SDF2: variants seen among roughly 807,000 people sequenced by gnomAD.
The protein encoded by SDF2 is stromal cell derived factor 2.
Under a neutral mutation model 20.5 loss-of-function variants are expected in SDF2, and 12 were observed. The ratio of observed to expected loss-of-function variants is 0.58; its 90% CI spans 0.37 to 0.95. The LOEUF (loss-of-function observed/expected upper bound fraction) is 0.95, where lower values mean the gene tolerates loss of function less well. Among genes scored for constraint, SDF2 ranks in the 40% least tolerant of loss-of-function variants. The pLI, the probability that SDF2 is intolerant of heterozygous loss-of-function variation, is 0.01. For missense variants in SDF2, 238 were observed against 263.1 expected (o/e 0.90, Z 0.66); for synonymous variants, 100 against 101.0 (o/e 0.99, Z 0.06).
In SDF2 at chr17:28,661,796, G is replaced by A; in HGVS notation, c.81C>T (p.Gly27=). ...GASSLGVVTC[G]SVVKLLNTRH... is the part of the protein sequence containing the mutation. ...GCGTATTGAGTAGCTTCACCACGGA[G>A]CCGCAAGTAACGACACCCAGGCTGG... The change falls in exon 1 of 3, where the codon GGC becomes GGT. Residue 27 remains glycine, a synonymous_variant. Transcript: ENST00000247020. The A allele has an allele frequency of 6.2e-7, 1 of 1,614,108 alleles. No homozygotes were observed. The highest frequency in any genetic ancestry group is 8.5e-7 in the Non-Finnish European group (1 of 1,180,014).
intron 1 of SDF2, among the ~76,000 whole-genome samples, chr17:28,657,504 C>T (rs2071974751): frequency 1.3e-5 from 2 of 151,852 alleles, no homozygotes; most frequent in South Asian, 4.2e-4. Flanking sequence ...CTCGGGTGAT[C>T]CTCCTACCTC....
chr17:28,652,864 T>C (rs2071926772), intron 2 of SDF2, among the ~76,000 whole-genome samples: 1 of 152,168 alleles, frequency 6.6e-6, no homozygotes, highest in Admixed American at 6.5e-5. Flanking sequence ...ATACTGCCAA[T>C]GGACACAAAG....
intron 2 of SDF2, among the ~76,000 whole-genome samples, chr17:28,651,926 C>G (rs2071917560): frequency 6.6e-6 from 1 of 152,156 alleles, no homozygotes; most frequent in Admixed American, 6.6e-5. Flanking sequence ...AACAAGGTAT[C>G]TTACTGTTGG....
At chr17:28,659,762 C>T (rs536871579) in intron 1 of SDF2, among the ~76,000 whole-genome samples, 7 of 148,814 alleles carry the variant, frequency 4.7e-5, no homozygotes, top group South Asian at 4.3e-4. Flanking sequence ...CCAGACGGGG[C>T]GGCCAGGCAG....
intron 1 of SDF2, among the ~76,000 whole-genome samples, chr17:28,658,683 ATCTC>A (rs924939772): frequency 4.6e-5 from 7 of 151,816 alleles, no homozygotes; most frequent in African/African-American, 9.7e-5. Context: ...TAACAATCTG[ATCTC>A]TCTTTCTTTT....
intron 2 of SDF2, among the ~76,000 whole-genome samples, chr17:28,653,609 C>G (rs149799596): frequency 6.6e-6 from 1 of 152,118 alleles, no homozygotes; most frequent in Non-Finnish European, 1.5e-5. Flanking sequence ...GTCAGGAGCT[C>G]GAGACCAACC....
rs1339365838 is a variant in SDF2, at chr17:28,648,881, A to G, written c.*108T>C. 2.7e-6 allele frequency: 3 copies of G among 1,105,704 alleles called. No homozygotes were observed. Among genetic ancestry groups the G allele is most frequent in the African/African-American group, 1.5e-5 (1 of 64,728 alleles). 68.5% of individuals were successfully genotyped at this position (1,105,704 alleles called of 1,614,324 possible). ...TTTTCTGTTGTATATCTTCATCTCAATGGTGACATGGCCACTGCCCAAGGA... is the reference window on the plus strand; with the variant it reads ...TTTTCTGTTGTATATCTTCATCTCAGTGGTGACATGGCCACTGCCCAAGGA... On this transcript the variant is annotated 3_prime_UTR_variant, in exon 3 of 3. Transcript: ENST00000247020.
chr17:28,654,343 G>GT (rs2071937859), intron 2 of SDF2, among the ~76,000 whole-genome samples: 2 of 150,428 alleles, frequency 1.3e-5, no homozygotes, highest in South Asian at 4.2e-4. Flanking sequence ...AATGTAACTA[G>GT]TTAGCATCAT....
At chr17:28,659,801 C>T (rs141271118) in intron 1 of SDF2, among the ~76,000 whole-genome samples, 3,241 of 151,164 alleles carry the variant, frequency 0.021, 101 homozygotes, top group African/African-American at 0.075. Flanking sequence ...AGACGATGGG[C>T]GGCCAGGCAG....
chr17:28,661,923 C>T (rs1339799921), upstream of SDF2: 1 of 1,579,176 alleles, frequency 6.3e-7, no homozygotes, highest in Non-Finnish European at 8.7e-7. Flanking sequence ...AACTCGGCCC[C>T]TCCCCGGAAC....
Position 28,648,777 on chromosome 17 carries a change from A to T in SDF2, c.*212T>A, listed in dbSNP as rs1386824522. 5 of 595,142 alleles carry T rather than the reference A, an allele frequency of 8.4e-6. No individual in the cohort carries two copies. The African/African-American group carries it at 9.3e-5, about 11-fold the overall frequency. 36.9% of individuals were successfully genotyped at this position (595,142 alleles called of 1,614,324 possible). A position where few individuals can be genotyped will look rare whatever the true frequency, so the allele number is the denominator to read the frequency against. On this transcript the variant is annotated 3_prime_UTR_variant, in exon 3 of 3. Transcript: ENST00000247020. ...CCCTTTACCAGCAAGTCCTCTACTC[A>T]GAAAGAACTGACCCACGCAAGTCTG...
At chr17:28,662,115 C>T (rs142256553), upstream of SDF2, 432 of 431,422 alleles carry the variant, frequency 1.0e-3, 1 homozygote, top group African/African-American at 8.0e-3. Context: ...ACCTTTCGCA[C>T]CCACGAGACG....
chr17:28,662,120 G>C (rs977709696), upstream of SDF2: 1 of 425,618 alleles, frequency 2.3e-6, no homozygotes, highest in Non-Finnish European at 4.3e-6. Context: ...TCGCACCCAC[G>C]AGACGAAAGC....
intron 1 of SDF2, among the ~76,000 whole-genome samples, chr17:28,657,244 A>T (rs1334367090): frequency 6.6e-6 from 1 of 152,122 alleles, no homozygotes; most frequent in Admixed American, 6.6e-5. Flanking sequence ...AAACAAAAAC[A>T]AAACAAAAAA....
At position 28,661,739 on chromosome 17, in the gene SDF2, C is replaced by G. The variant is rs2072048870; in HGVS notation, c.138G>C (p.Val46=). ...RHNVRLHSHD[V]RYGSGSGQQS... is the part of the protein sequence containing the mutation. ...CCCCAGCATTACCTGACCCATAGCG[C>G]ACGTCGTGTGAGTGCAGTCGGACGT... Residue 46 remains valine, a synonymous_variant, in exon 1 of 3, where the codon GTG becomes GTC. Transcript: ENST00000247020. 3 of 1,613,776 alleles carry G rather than the reference C, an allele frequency of 1.9e-6. No homozygotes were observed. Among genetic ancestry groups the G allele is most frequent in the Non-Finnish European group, 2.5e-6 (3 of 1,179,770 alleles).
chr17:28,657,282 C>T (rs1327789943), intron 1 of SDF2, among the ~76,000 whole-genome samples: 1 of 152,144 alleles, frequency 6.6e-6, no homozygotes, highest in Non-Finnish European at 1.5e-5. Context: ...GGCACAGTGG[C>T]TCATGCCTGT....
chr17:28,656,662 A>G (rs1051531620), intron 1 of SDF2, among the ~76,000 whole-genome samples: 1 of 152,228 alleles, frequency 6.6e-6, no homozygotes, highest in Non-Finnish European at 1.5e-5. Flanking sequence ...AGGGTATGTC[A>G]TATCAGAAAA....
At chr17:28,653,809 C>CA (rs2071933608) in intron 2 of SDF2, among the ~76,000 whole-genome samples, 1 of 151,208 alleles carries the variant, frequency 6.6e-6, no homozygotes, top group Non-Finnish European at 1.5e-5. Flanking sequence ...GACTCTGTCT[C>CA]AAAAAACAAA....
At chr17:28,661,696 A>G (rs1420045442) in intron 1 of SDF2, 30 bp downstream of exon 1, 1 of 1,601,494 alleles carries the variant, frequency 6.2e-7, no homozygotes, top group Non-Finnish European at 8.5e-7. Flanking sequence ...AGTCCTCCCT[A>G]GCCCACCCGA....
Sources: allele counts gnomAD v4.1 joint callset (sites outside exome capture counted in the v4.1 genomes callset), GRCh38; gene constraint gnomAD v4.1.1; transcripts MANE v1.5; gene names NCBI Gene and HGNC (gene_info 2026-07-23, HGNC 2026-07-21).